Variants in LY75 observed in about 807,000 individuals in gnomAD.
The protein encoded by LY75 is lymphocyte antigen 75.
Under a neutral mutation model 231.7 loss-of-function variants are expected in LY75, and 185 were observed. The ratio of observed to expected loss-of-function variants is 0.80; its 90% CI spans 0.71 to 0.90. LY75 has a LOEUF of 0.90. Among genes scored for constraint, LY75 ranks in the 40% least tolerant of loss-of-function variants. LY75 has a pLI of 0.00. For missense variants in LY75, 1,947 were observed against 2,050.2 expected, an observed-to-expected ratio of 0.95 and a Z score of 0.97; for synonymous variants, 668 against 689.0, an observed-to-expected ratio of 0.97 and a Z score of 0.48.
chr2:159,880,863 G>A (rs527800105), intron 8 of LY75, among the ~76,000 whole-genome samples: 2 of 152,290 alleles, frequency 1.3e-5, no homozygotes, highest in South Asian at 4.1e-4. Flanking sequence ...CAATCTGACA[G>A]GAGGCGGAGT....
intron 32 of LY75, 79 bp downstream of exon 32, chr2:159,810,447 T>A: frequency 6.5e-7 from 1 of 1,540,096 alleles, no homozygotes; most frequent in Middle Eastern, 1.7e-4. Context: ...AAAAATACAA[T>A]CATTGCTTCA....
chr2:159,899,071 G>T lies in LY75; in HGVS notation c.95-12C>A. On this transcript the variant is annotated splice_polypyrimidine_tract_variant and intron_variant, in intron 1 of 34. Coordinates refer to ENST00000263636, the MANE Select transcript of LY75 (RefSeq NM_002349.4). ...GAAGGGGTCATTAGCTGAGTCAAATGGACAGACAGATTGTAGATTATGTGG... is the reference window on the plus strand; with the variant it reads ...GAAGGGGTCATTAGCTGAGTCAAATTGACAGACAGATTGTAGATTATGTGG... The T allele has an allele frequency of 6.2e-7, 1 of 1,606,184 alleles. No homozygotes were observed. Among genetic ancestry groups the T allele is most frequent in the South Asian group, 1.1e-5 (1 of 90,778 alleles).
rs771305329 is a variant in LY75 at position 159,904,647 on chromosome 2, C to A, written c.36G>T (p.Ala12=). The change falls in exon 1 of 35, where the codon GCG becomes GCT. Residue 12 remains alanine (A), a synonymous_variant. Coordinates refer to ENST00000263636, the MANE Select transcript of LY75 (RefSeq NM_002349.4). ...RTGWATPRRP[A]GLLMLLFWFF... is the part of the protein sequence containing the mutation. ...ACCAGAAGAGCAGCATGAGGAGCCC[C>A]GCCGGGCGGCGAGGGGTCGCCCAGC... 1 of 1,493,050 alleles carries A rather than the reference C, an allele frequency of 6.7e-7. No individual in the cohort carries two copies. The allele number at this position is 1,493,050 out of a possible 1,614,324, so 92.5% of individuals were successfully genotyped here.
intron 14 of LY75, among the ~76,000 whole-genome samples, chr2:159,862,195 G>A (rs1261510830): frequency 6.6e-6 from 1 of 151,714 alleles, no homozygotes. Flanking sequence ...AGGAGGCTGA[G>A]GCAGGAGAAT....
chr2:159,893,904 C>T lies in LY75; in HGVS notation c.637+10G>A, dbSNP rs774236865. 3 of 1,600,864 alleles carry T rather than the reference C, an allele frequency of 1.9e-6. No homozygotes were observed. The highest frequency in any genetic ancestry group is 2.2e-5 in the South Asian group (2 of 88,928). On this transcript the variant is annotated intron_variant, in intron 3 of 34. Transcript: ENST00000263636. The stretch of plus-strand genomic sequence containing the variant: ...ACCTTTCCACATAAAATTTACCAGC[C>T]CATACATACCAGGCTTTAAGCAGAT...
At chr2:159,874,023 T>C (rs905137034) in intron 12 of LY75, among the ~76,000 whole-genome samples, 4 of 80,708 alleles carry the variant, frequency 5.0e-5, no homozygotes, top group African/African-American at 1.7e-4. Flanking sequence ...AAAATACATA[T>C]AAACGTATAT....
chr2:159,821,629 AAAAG>A (rs1238924701), intron 28 of LY75, among the ~76,000 whole-genome samples: 3 of 85,882 alleles, frequency 3.5e-5, no homozygotes, highest in African/African-American at 4.4e-5. Flanking sequence ...CAAAAAAAAA[AAAAG>A]AAAAGAAAAG....
chr2:159,846,458 T>C (rs1684205931), intron 23 of LY75, among the ~76,000 whole-genome samples: 2 of 151,938 alleles, frequency 1.3e-5, no homozygotes, highest in African/African-American at 2.4e-5. Context: ...GGTCAGGTTA[T>C]AGTAAGTTAT....
At chr2:159,843,612 T>A (rs551393619) in intron 23 of LY75, among the ~76,000 whole-genome samples, 1 of 152,090 alleles carries the variant, frequency 6.6e-6, no homozygotes, top group African/African-American at 2.4e-5. Context: ...GATAAGAAAT[T>A]GAGGCTTAAG....
chr2:159,858,769 G>A (rs550332911), intron 15 of LY75, among the ~76,000 whole-genome samples: 11 of 152,318 alleles, frequency 7.2e-5, no homozygotes, highest in African/African-American at 2.6e-4. Flanking sequence ...AGGTATCCAA[G>A]CACCAAGCTG....
At chr2:159,815,376 A>T in intron 31 of LY75, 29 bp downstream of exon 31, 1 of 1,568,194 alleles carries the variant, frequency 6.4e-7, no homozygotes, top group Non-Finnish European at 8.6e-7. Context: ...ATTTTCATAA[A>T]TGTACTGTTA....
At chr2:159,875,972 T>C (rs1164753826) in intron 11 of LY75, among the ~76,000 whole-genome samples, 3 of 152,180 alleles carry the variant, frequency 2.0e-5, no homozygotes, top group African/African-American at 7.2e-5. Context: ...GGTCTGTTTC[T>C]AGAGCTGTAC....
intron 4 of LY75, 76 bp from the exon 5 acceptor site, chr2:159,886,606 T>C: frequency 7.1e-7 from 1 of 1,408,388 alleles, no homozygotes. Flanking sequence ...ATTCTACTAA[T>C]AACAAACAAA....
At chr2:159,886,324 C>T (rs1348030487) in intron 5 of LY75, 96 bp downstream of exon 5, 6 of 1,319,476 alleles carry the variant, frequency 4.5e-6, no homozygotes, top group East Asian at 5.3e-5. Context: ...TAAGAGCTGC[C>T]AAGATGTGAA....
chr2:159,842,182 T>C, intron 24 of LY75, 63 bp downstream of exon 24: 1 of 1,531,178 alleles, frequency 6.5e-7, no homozygotes, highest in South Asian at 1.2e-5. Flanking sequence ...TGACTCTCTC[T>C]CTCTCTATAT....
At chr2:159,807,216 C>T (rs1441803271) in intron 33 of LY75, 76 bp from the exon 34 acceptor site, 4 of 1,483,492 alleles carry the variant, frequency 2.7e-6, no homozygotes, top group Non-Finnish European at 3.6e-6. Flanking sequence ...TCATGTAACT[C>T]ATCAGAACTG....
At chr2:159,854,653 C>T (rs1457324475) in intron 17 of LY75, 118 bp from the exon 18 acceptor site, 4 of 1,288,388 alleles carry the variant, frequency 3.1e-6, no homozygotes, top group South Asian at 1.5e-5. Flanking sequence ...CCCTCTCTGG[C>T]TGGGGCAGTA....
At chr2:159,898,595 T>C in intron 2 of LY75, 93 bp downstream of exon 2, 1 of 1,527,900 alleles carries the variant, frequency 6.5e-7, no homozygotes, top group Non-Finnish European at 8.8e-7. Flanking sequence ...CCCTTACTAA[T>C]GTACGACTCT....
intron 2 of LY75, 52 bp from the exon 3 acceptor site, chr2:159,894,136 C>A (rs781310659): frequency 3.3e-6 from 5 of 1,528,632 alleles, no homozygotes; most frequent in South Asian, 1.3e-5. Flanking sequence ...GGGTAGTCAG[C>A]GTCAGGTGGC....
Sources: allele counts gnomAD v4.1 joint callset (sites outside exome capture counted in the v4.1 genomes callset), GRCh38; gene constraint gnomAD v4.1.1; transcripts MANE v1.5; gene names NCBI Gene and HGNC (gene_info 2026-07-23, HGNC 2026-07-21).